SLC27A2: variants seen among roughly 807,000 people sequenced by gnomAD.
SLC27A2 encodes long-chain fatty acid transport protein 2.
A neutral mutation model predicts 60.0 loss-of-function variants in SLC27A2; 54 were observed. That is an observed-to-expected ratio of 0.90 (90% CI 0.72 to 1.13). The LOEUF is 1.13. Ranked by LOEUF, SLC27A2 falls within the 50% of genes most tolerant of loss-of-function variation. The probability of loss-of-function intolerance (pLI) is 0.00; values close to 1 mark genes in which losing one functional copy is unlikely to be tolerated. For synonymous variants in SLC27A2, 297 were observed against 297.6 expected, an observed-to-expected ratio of 1.00 and a Z score of 0.02; for missense variants, 739 against 777.6, an observed-to-expected ratio of 0.95 and a Z score of 0.59.
chr15:50,229,232 C>T (rs1357701761), intron 8 of SLC27A2, among the ~76,000 whole-genome samples, 190 bp downstream of exon 8: 1 of 152,156 alleles, frequency 6.6e-6, no homozygotes, highest in African/African-American at 2.4e-5. Context: ...CTGAACATGG[C>T]CTTCTCTTCA....
chr15:50,220,590 C>T (rs571047466), intron 4 of SLC27A2, among the ~76,000 whole-genome samples: 1 of 152,136 alleles, frequency 6.6e-6, no homozygotes, highest in Non-Finnish European at 1.5e-5. Flanking sequence ...AGGTGAGCAC[C>T]CAGCTCAGGT....
chr15:50,202,377 G>T, intron 2 of SLC27A2, 110 bp from the exon 3 acceptor site: 2 of 1,107,118 alleles, frequency 1.8e-6, no homozygotes, highest in South Asian at 2.8e-5. Flanking sequence ...GCCCTTCCCA[G>T]TGCAATTCTC....
At chr15:50,233,746 A>C in intron 8 of SLC27A2, 122 bp from the exon 9 acceptor site, 2 of 814,536 alleles carry the variant, frequency 2.5e-6, no homozygotes, top group Non-Finnish European at 3.7e-6. Context: ...ATTTTTAATA[A>C]AAATTCCAGC....
Position 50,182,631 on chromosome 15 carries a change from C to T in SLC27A2, c.204C>T (p.His68=), listed in dbSNP as rs753710510. 6.2e-7 allele frequency: 1 copy of T among 1,613,986 alleles called. No individual in the cohort carries two copies. The highest frequency in any genetic ancestry group is 1.3e-5 in the African/African-American group (1 of 75,058). Residue 68 remains histidine, a synonymous_variant, in exon 1 of 10, where the codon CAC becomes CAT. Transcript: ENST00000267842. ...AFLEKARQTP[H]KPFLLFRDET... is the part of the protein sequence containing the mutation. The stretch of plus-strand genomic sequence containing the variant: ...TGGAGAAAGCGCGCCAGACGCCACA[C>T]AAGCCTTTTCTGCTCTTCCGCGACG...
chr15:50,206,135 T>G (rs575070392), intron 4 of SLC27A2, among the ~76,000 whole-genome samples: 1 of 152,124 alleles, frequency 6.6e-6, no homozygotes, highest in Admixed American at 6.5e-5. Context: ...GGGCTTTTAA[T>G]TCTTTGCCGC....
intron 2 of SLC27A2, among the ~76,000 whole-genome samples, chr15:50,199,079 C>G (rs2045045400): frequency 6.6e-6 from 1 of 151,578 alleles, no homozygotes; most frequent in African/African-American, 2.4e-5. Flanking sequence ...TGAGATGGCA[C>G]AATTAACCAA....
rs1304573010 is a variant in SLC27A2, at chr15:50,182,897, T to G, written c.470T>G (p.Val157Gly). The G allele has an allele frequency of 5.0e-6, 8 of 1,604,802 alleles. No individual in the cohort carries two copies. The highest frequency in any genetic ancestry group is 6.0e-6 in the Non-Finnish European group (7 of 1,175,958). Residue 157 changes from valine (V) to glycine (G), a missense_variant, in exon 1 of 10, where the codon GTG becomes GGG. Physicochemically the swap from Val to Gly is moderately radical, Grantham distance 109. Transcript: ENST00000267842. ...TGCTGCGGGGCGAAGGTGCTGCTGG[T>G]GTCGCCAGGTGAGCCCCGAGGATCG... The part of the protein sequence containing the change: ...FQCCGAKVLL[V>G]SPELQAAVEE...
chr15:50,216,610 GTATATATATATA>G (rs59683706), intron 4 of SLC27A2, among the ~76,000 whole-genome samples: 3,842 of 66,290 alleles, frequency 0.058, 139 homozygotes, highest in South Asian at 0.11. Context: ...GTGTGTGTGT[GTATATATATATA>G]TATATATATA....
At chr15:50,228,815 T>C (rs964847582) in intron 7 of SLC27A2, 130 bp from the exon 8 acceptor site, 2 of 669,706 alleles carry the variant, frequency 3.0e-6, no homozygotes, top group Non-Finnish European at 5.4e-6. Context: ...AGTTGGGGAG[T>C]TTGAGGGGCC....
Position 50,228,991 on chromosome 15 carries a change from G to A in SLC27A2, c.1504G>A (p.Gly502Arg). Residue 502 changes from glycine to arginine, a missense_variant, in exon 8 of 10, where the codon GGA becomes AGA. Gly to Arg is a moderately radical substitution (Grantham distance 125). Coordinates refer to ENST00000267842, the MANE Select transcript of SLC27A2 (RefSeq NM_003645.4). ...CACCACTGAAGTTGCTGATACAGTT[G>A]GACTGGTTGATTTTGTCCAAGAAGT... ...VATTEVADTV[G>R]LVDFVQEVNV... 6.2e-7 allele frequency: 1 copy of A among 1,614,062 alleles called. No individual in the cohort carries two copies. The highest frequency in any genetic ancestry group is 1.1e-5 in the South Asian group (1 of 91,076).
intron 4 of SLC27A2, among the ~76,000 whole-genome samples, chr15:50,209,397 C>T (rs760963273): frequency 6.6e-6 from 1 of 152,048 alleles, no homozygotes; most frequent in East Asian, 1.9e-4. Context: ...CAGGAAGGTT[C>T]GCCAGGGAAG....
At chr15:50,204,485 G>A (rs891596489) in intron 3 of SLC27A2, among the ~76,000 whole-genome samples, 4 of 151,812 alleles carry the variant, frequency 2.6e-5, no homozygotes, top group Non-Finnish European at 1.5e-5. Flanking sequence ...TGTAATCTCA[G>A]CACTTTGGGA....
intron 4 of SLC27A2, among the ~76,000 whole-genome samples, chr15:50,222,267 G>A (rs2045248514): frequency 6.6e-6 from 1 of 152,080 alleles, no homozygotes; most frequent in African/African-American, 2.4e-5. Context: ...CATCCCACTG[G>A]GACAGTTTTG....
intron 4 of SLC27A2, among the ~76,000 whole-genome samples, chr15:50,215,976 C>T (rs1310616294): frequency 6.6e-6 from 1 of 152,152 alleles, no homozygotes; most frequent in African/African-American, 2.4e-5. Context: ...CCTAATTAAA[C>T]TAAAGAACGT....
At position 50,236,188 on chromosome 15, in the gene SLC27A2, GAGGAAATTTTGT is replaced by G. The variant is rs1431489742; in HGVS notation, c.*102_*113del. 4 of 1,191,850 alleles carry G rather than the reference GAGGAAATTTTGT, an allele frequency of 3.4e-6. No homozygotes were observed. 73.8% of individuals were successfully genotyped at this position (1,191,850 alleles called of 1,614,324 possible). A position where few individuals can be genotyped will look rare whatever the true frequency, so the allele number is the denominator to read the frequency against. ...CAACTTTAATTTGATTGAAGATTGTGAGGAAATTTTGTAGGAAATTTGCATACCCGTAAAGGG... is the reference window on the plus strand; with the variant it reads ...CAACTTTAATTTGATTGAAGATTGTGAGGAAATTTGCATACCCGTAAAGGG... On this transcript the variant is annotated 3_prime_UTR_variant, in exon 10 of 10. Coordinates refer to ENST00000267842, the MANE Select transcript of SLC27A2 (RefSeq NM_003645.4).
intron 3 of SLC27A2, 67 bp downstream of exon 3, chr15:50,202,712 AC>A (rs2045075077): frequency 6.4e-7 from 1 of 1,560,060 alleles, no homozygotes; most frequent in African/African-American, 1.4e-5. Context: ...GAACAGTAAT[AC>A]AAAATTTGGC....
intron 7 of SLC27A2, among the ~76,000 whole-genome samples, chr15:50,228,150 G>A (rs920904136): frequency 6.6e-6 from 1 of 152,066 alleles, no homozygotes; most frequent in South Asian, 2.1e-4. Context: ...GGCCGAGGCG[G>A]GTGGATCACC....
intron 4 of SLC27A2, among the ~76,000 whole-genome samples, chr15:50,222,255 C>T (rs2045248372): frequency 6.6e-6 from 1 of 152,164 alleles, no homozygotes; most frequent in Admixed American, 6.5e-5. Context: ...TCTTCCCCTC[C>T]CCATCCCACT....
chr15:50,208,129 A>G (rs955392205), intron 4 of SLC27A2, among the ~76,000 whole-genome samples: 2 of 152,184 alleles, frequency 1.3e-5, no homozygotes, highest in African/African-American at 4.8e-5. Context: ...GCCTTAGCAG[A>G]ACAGCTAAAC....
Sources: gnomAD v4.1 joint callset for allele counts (sites outside exome capture counted in the v4.1 genomes callset) on GRCh38, gnomAD v4.1.1 for gene constraint, MANE v1.5 for transcripts, NCBI Gene and HGNC (gene_info 2026-07-23, HGNC 2026-07-21) for gene names.